The following CMTR1 variants were observed in gnomAD, a reference collection of about 807,000 sequenced individuals.
The protein encoded by CMTR1 is cap-specific mRNA (nucleoside-2'-O-)-methyltransferase 1.
Under a neutral mutation model 107.0 loss-of-function variants are expected in CMTR1, and 39 were observed. That is an observed-to-expected ratio of 0.36 (90% CI 0.28 to 0.48). The LOEUF (loss-of-function observed/expected upper bound fraction) is 0.48, where lower values mean the gene tolerates loss of function less well. Among genes scored for constraint, CMTR1 ranks in the 20% least tolerant of loss-of-function variants. The pLI, the probability that CMTR1 is intolerant of heterozygous loss-of-function variation, is 0.99. For synonymous variants in CMTR1, 366 were observed against 379.5 expected (o/e 0.96, Z 0.41); for missense variants, 672 against 1,064.9 (o/e 0.63, Z 5.14).
intron 5 of CMTR1, 80 bp from the exon 6 acceptor site, chr6:37,451,726 T>C: frequency 6.6e-6 from 7 of 1,054,806 alleles, no homozygotes; most frequent in Non-Finnish European, 1.0e-5. Context: ...CTCTACTTAC[T>C]TGGAACCCTA....
At chr6:37,465,001 GGCTCACGCC>G (rs1761477141) in intron 13 of CMTR1, among the ~76,000 whole-genome samples, 2 of 151,188 alleles carry the variant, frequency 1.3e-5, no homozygotes, top group African/African-American at 4.9e-5. Context: ...CGGGCGCGGT[GGCTCACGCC>G]TGTAATCCAG....
chr6:37,434,001 C>T (rs1771461210), intron 1 of CMTR1, among the ~76,000 whole-genome samples: 1 of 152,138 alleles, frequency 6.6e-6, no homozygotes, highest in Admixed American at 6.5e-5. Context: ...GCTGTACTTC[C>T]AGTCTCCCCC....
chr6:37,459,418 C>T, intron 9 of CMTR1, 148 bp from the exon 10 acceptor site: 1 of 677,048 alleles, frequency 1.5e-6, no homozygotes, highest in Non-Finnish European at 2.7e-6. Context: ...GTTGTTCCTC[C>T]TGGTCCATCA....
chr6:37,479,838 A>C (rs1398030208), intron 23 of CMTR1, among the ~76,000 whole-genome samples, 175 bp from the exon 24 acceptor site: 3 of 152,212 alleles, frequency 2.0e-5, no homozygotes, highest in Non-Finnish European at 2.9e-5. Flanking sequence ...TTTGTTGGGA[A>C]AAGTTGGTTC....
In CMTR1 at chr6:37,480,153, A is replaced by G; in HGVS notation, c.*8A>G. On this transcript the variant is annotated 3_prime_UTR_variant, in exon 24 of 24. Coordinates refer to ENST00000373451, the MANE Select transcript of CMTR1 (RefSeq NM_015050.3). ...CAGATGCACAGGGCCTAAGAGCCTCAGAATGTGCCACCCCTGCAGAATGCC... is the reference window on the plus strand; with the variant it reads ...CAGATGCACAGGGCCTAAGAGCCTCGGAATGTGCCACCCCTGCAGAATGCC... The G allele has an allele frequency of 6.3e-7, 1 of 1,598,122 alleles. No individual in the cohort carries two copies. The highest frequency in any genetic ancestry group is 8.5e-7 in the Non-Finnish European group (1 of 1,172,790).
the CMTR1 span, among the ~76,000 whole-genome samples, chr6:37,424,700 C>G: frequency 1.3e-5 from 2 of 151,954 alleles, no homozygotes; most frequent in Non-Finnish European, 2.9e-5. Flanking sequence ...AGCCATCTCT[C>G]ACATCATATA....
intron 17 of CMTR1, 49 bp from the exon 18 acceptor site, chr6:37,474,475 C>T (rs1179519816): frequency 2.5e-6 from 4 of 1,608,902 alleles, no homozygotes; most frequent in Admixed American, 3.3e-5. Flanking sequence ...AGCCTCTTAT[C>T]CCTCGATCTC....
intron 19 of CMTR1, 27 bp from the exon 20 acceptor site, chr6:37,476,099 C>T (rs555377404): frequency 1.5e-5 from 24 of 1,613,232 alleles, no homozygotes; most frequent in African/African-American, 2.7e-5. Context: ...CTTGGCTTGC[C>T]TCTCAGAGAG....
chr6:37,431,483 C>A (rs1018223884), upstream of CMTR1, among the ~76,000 whole-genome samples: 13 of 152,316 alleles, frequency 8.5e-5, no homozygotes, highest in African/African-American at 3.1e-4. Flanking sequence ...CAGTAAATAT[C>A]TATTGAGCAC....
In CMTR1 at chr6:37,472,597, C is replaced by T. The variant is rs1037533930; in HGVS notation, c.1689+110C>T. 1 of 1,089,000 alleles carries T rather than the reference C, an allele frequency of 9.2e-7. No homozygotes were observed. 67.5% of individuals were successfully genotyped at this position (1,089,000 alleles called of 1,614,324 possible). A position where few individuals can be genotyped will look rare whatever the true frequency, so the allele number is the denominator to read the frequency against. Reference sequence around the variant, plus strand: ...GTCTCCAGAGGGCTTGTGCAGATGCCCACCATGGGCTCTAAGGGGCGGAGC... The same window carrying T: ...GTCTCCAGAGGGCTTGTGCAGATGCTCACCATGGGCTCTAAGGGGCGGAGC... On this transcript the variant is annotated intron_variant, in intron 16 of 23. Transcript: ENST00000373451. This position sits in a 1 kb window ranked among gnomAD's most constrained non-coding sequence, Gnocchi z 4.1.
At chr6:37,477,312 C>A (rs1285011383) in intron 20 of CMTR1, among the ~76,000 whole-genome samples, 1 of 152,240 alleles carries the variant, frequency 6.6e-6, no homozygotes, top group African/African-American at 2.4e-5. Context: ...CCAGACTTTT[C>A]TTCCTCTTTC....
rs535602859 is a variant in CMTR1 at position 37,474,155 on chromosome 6, T to G, written c.1822-369T>G. Among the ~76,000 whole-genome samples, 4 of 152,394 alleles carry G rather than the reference T, an allele frequency of 2.6e-5. No individual in the cohort carries two copies. In the East Asian group the frequency reaches 7.7e-4, roughly 29 times the overall value. On this transcript the variant is annotated intron_variant, in intron 17 of 23. Transcript: ENST00000373451. ...ACTTCTTTTGTACCCTCTCACACTTTGTCTTTTTCTCATTTTACTTACTCT... is the reference window on the plus strand; with the variant it reads ...ACTTCTTTTGTACCCTCTCACACTTGGTCTTTTTCTCATTTTACTTACTCT...
intron 1 of CMTR1, among the ~76,000 whole-genome samples, chr6:37,434,418 C>G (rs113334013): frequency 6.6e-6 from 1 of 152,142 alleles, no homozygotes; most frequent in Non-Finnish European, 1.5e-5. Flanking sequence ...TGTATTGAGT[C>G]CTCTTTTCTG....
chr6:37,475,713 A>C, intron 19 of CMTR1: 2 of 518,028 alleles, frequency 3.9e-6, no homozygotes, highest in Non-Finnish European at 7.0e-6. Flanking sequence ...TTGCGGGTAG[A>C]GGGGGTACTC....
chr6:37,468,678 G>A (rs1754679610), intron 13 of CMTR1, among the ~76,000 whole-genome samples: 1 of 151,898 alleles, frequency 6.6e-6, no homozygotes, highest in Non-Finnish European at 1.5e-5. Context: ...GAGGTCAGGA[G>A]TTCGAGACCA....
At chr6:37,438,418 A>G (rs886791529) in intron 2 of CMTR1, among the ~76,000 whole-genome samples, 6 of 152,164 alleles carry the variant, frequency 3.9e-5, no homozygotes. Flanking sequence ...AGAGGTGTCC[A>G]GTTCCTTGTA....
intron 3 of CMTR1, among the ~76,000 whole-genome samples, chr6:37,445,745 G>A (rs975336672): frequency 6.6e-5 from 10 of 151,588 alleles, no homozygotes; most frequent in Non-Finnish European, 1.2e-4. Context: ...CGCCCTTCTC[G>A]GCCTCCCAAA....
Position 37,433,331 on chromosome 6 carries a change from GCCTGACCCCCC to G in CMTR1, c.-51_-41del, listed in dbSNP as rs1473272615. 6.5e-6 allele frequency: 1 copy of G among 152,982 alleles called. No homozygotes were observed. Among genetic ancestry groups the G allele is most frequent in the African/African-American group, 2.4e-5 (1 of 41,488 alleles). The allele number at this position is 152,982 out of a possible 1,614,324, so 9.5% of individuals were successfully genotyped here. On this transcript the variant is annotated 5_prime_UTR_variant, in exon 1 of 24. Coordinates refer to ENST00000373451, the MANE Select transcript of CMTR1 (RefSeq NM_015050.3). Reference sequence around the variant, plus strand: ...TCTGGCAGCGGCGGCGACAGTGTCGGCCTGACCCCCCCTCCGCTCCCCGGCAGCTCGCTCTC... The same window carrying G: ...TCTGGCAGCGGCGGCGACAGTGTCGGCTCCGCTCCCCGGCAGCTCGCTCTC...
intron 20 of CMTR1, 149 bp downstream of exon 20, chr6:37,476,343 G>C: frequency 1.3e-6 from 1 of 777,550 alleles, no homozygotes; most frequent in Non-Finnish European, 2.1e-6. Flanking sequence ...GTTTGGGGGT[G>C]CTAGGTAGGT....
Sources: gnomAD v4.1 joint callset for allele counts (sites outside exome capture counted in the v4.1 genomes callset) on GRCh38, gnomAD v4.1.1 for gene constraint, Gnocchi (gnomAD v3.1) non-coding constraint, MANE v1.5 for transcripts, NCBI Gene and HGNC (gene_info 2026-07-23, HGNC 2026-07-21) for gene names.